The following COL10A1 variants were observed in gnomAD, a reference collection of about 807,000 sequenced individuals.
COL10A1 encodes the protein collagen alpha-1(X) chain.
A neutral mutation model predicts 18.2 loss-of-function variants in COL10A1; 10 were observed. The observed-to-expected ratio is 0.55, with a 90% CI of 0.34 to 0.93. The LOEUF (loss-of-function observed/expected upper bound fraction) is 0.93. COL10A1 is among the 40% of genes least tolerant of loss of function. COL10A1 has a pLI of 0.02. For synonymous variants in COL10A1, 330 were observed against 316.6 expected (o/e 1.04, Z -0.45); for missense variants, 897 against 853.5 (o/e 1.05, Z -0.64).
At chr6:116,132,784 G>A (rs1201415368) in intron 1 of COL10A1, among the ~76,000 whole-genome samples, 3 of 152,060 alleles carry the variant, frequency 2.0e-5, no homozygotes, top group Non-Finnish European at 4.4e-5. Flanking sequence ...CATCCTTTTA[G>A]GGTAGAAATG....
the COL10A1 span, among the ~76,000 whole-genome samples, chr6:116,167,693 G>A: frequency 5.9e-5 from 9 of 151,860 alleles, no homozygotes; most frequent in East Asian, 1.9e-4. Context: ...GCAATGTTTC[G>A]GCTCAGTGAC....
the COL10A1 span, among the ~76,000 whole-genome samples, chr6:116,211,140 A>G: frequency 6.6e-6 from 1 of 152,052 alleles, no homozygotes; most frequent in Non-Finnish European, 1.5e-5. Context: ...GTGAGACCCA[A>G]ATGCAGAGAG....
At chr6:116,168,090 TTTTTTTTTTTTTAAATTCTCC>T in the COL10A1 span, among the ~76,000 whole-genome samples, 1 of 151,176 alleles carries the variant, frequency 6.6e-6, no homozygotes, top group Admixed American at 6.6e-5. Context: ...TGTCTTTTTT[TTTTTTTTTTTTTAAATTCTCC>T]TTGGAGGGCT....
the COL10A1 span, among the ~76,000 whole-genome samples, chr6:116,215,060 A>T: frequency 6.6e-6 from 1 of 152,126 alleles, no homozygotes; most frequent in Admixed American, 6.5e-5. Context: ...GAACCCAGTT[A>T]TCAAGGTTTA....
At chr6:116,134,217 G>A (rs1021349661) in intron 1 of COL10A1, among the ~76,000 whole-genome samples, 6 of 152,144 alleles carry the variant, frequency 3.9e-5, no homozygotes, top group Non-Finnish European at 8.8e-5. Flanking sequence ...TCAAATAATT[G>A]TCAGACTTTT....
chr6:116,149,745 T>C (rs1779989069), intron 1 of COL10A1, among the ~76,000 whole-genome samples: 1 of 152,200 alleles, frequency 6.6e-6, no homozygotes, highest in Non-Finnish European at 1.5e-5. Context: ...ATCTGGGATC[T>C]CCACATAAAA....
chr6:116,174,795 C>T, the COL10A1 span, among the ~76,000 whole-genome samples: 1 of 152,142 alleles, frequency 6.6e-6, no homozygotes. Context: ...ACTTGCTTTG[C>T]AATCCACTGG....
upstream of COL10A1, among the ~76,000 whole-genome samples, chr6:116,163,141 A>AAAAAAAAATATATATATAT (rs761718922): frequency 2.3e-5 from 2 of 88,408 alleles, no homozygotes; most frequent in African/African-American, 1.2e-4. Context: ...AAAAAAAAAA[A>AAAAAAAAATATATATATAT]ATATATATAT....
chr6:116,135,220 TA>T (rs1204491385), intron 1 of COL10A1, among the ~76,000 whole-genome samples: 3 of 152,176 alleles, frequency 2.0e-5, no homozygotes, highest in Non-Finnish European at 4.4e-5. Flanking sequence ...ATATGACCCT[TA>T]AAGGGGGAAG....
intron 1 of COL10A1, among the ~76,000 whole-genome samples, chr6:116,142,762 T>G (rs1240272957): frequency 1.3e-5 from 2 of 152,214 alleles, no homozygotes; most frequent in African/African-American, 2.4e-5. Context: ...CTTGTTTCTT[T>G]TTGTTTCTTG....
chr6:116,187,549 C>T, the COL10A1 span, among the ~76,000 whole-genome samples: 2 of 151,952 alleles, frequency 1.3e-5, no homozygotes, highest in African/African-American at 4.8e-5. Context: ...ACCGGAGATG[C>T]CAGAAAAGAC....
At chr6:116,189,950 TTTG>T in the COL10A1 span, among the ~76,000 whole-genome samples, 1 of 152,034 alleles carries the variant, frequency 6.6e-6, no homozygotes, top group Non-Finnish European at 1.5e-5. Context: ...GAAGTAAATG[TTTG>T]TTGTTCTTTT....
intron 1 of COL10A1, among the ~76,000 whole-genome samples, chr6:116,135,834 GATATAT>G (rs199827970): frequency 0.08 from 8,162 of 102,282 alleles, 471 homozygotes; most frequent in Admixed American, 0.18. Context: ...TATATTTTCA[GATATAT>G]ATATATATAT....
At chr6:116,182,782 A>G in the COL10A1 span, among the ~76,000 whole-genome samples, 51 of 151,888 alleles carry the variant, frequency 3.4e-4, no homozygotes, top group Non-Finnish European at 6.9e-4. Flanking sequence ...GAGTCTAGAT[A>G]TTACTCCTTT....
chr6:116,189,390 G>A, the COL10A1 span, among the ~76,000 whole-genome samples: 2 of 151,488 alleles, frequency 1.3e-5, no homozygotes, highest in African/African-American at 4.8e-5. Context: ...TTTATTTTTT[G>A]TCTTCGTAGT....
the COL10A1 span, among the ~76,000 whole-genome samples, chr6:116,205,240 A>G: frequency 3.3e-5 from 5 of 151,980 alleles, no homozygotes; most frequent in African/African-American, 1.2e-4. Flanking sequence ...CAACAACAAA[A>G]TAAGCTGGGC....
the COL10A1 span, among the ~76,000 whole-genome samples, chr6:116,171,649 C>T: frequency 6.6e-6 from 1 of 152,178 alleles, no homozygotes; most frequent in African/African-American, 2.4e-5. Flanking sequence ...TGAATTCTCT[C>T]TTTGGTATCC....
At position 116,119,379 on chromosome 6, in the gene COL10A1, C is replaced by G. The variant is rs1208203100; in HGVS notation, c.*694G>C. On this transcript the variant is annotated 3_prime_UTR_variant, in exon 3 of 3. Coordinates refer to ENST00000651968, the MANE Select transcript of COL10A1 (RefSeq NM_000493.4). Reference sequence around the variant, plus strand: ...GTTATGCTGGGTATATAAAAAGCTTCTCTGCAATCATAGAAAAGTTTGAAA... The same window carrying G: ...GTTATGCTGGGTATATAAAAAGCTTGTCTGCAATCATAGAAAAGTTTGAAA... The G allele has an allele frequency of 6.6e-6, 1 of 152,366 alleles. No individual in the cohort carries two copies. The highest frequency in any genetic ancestry group is 1.5e-5 in the Non-Finnish European group (1 of 68,036). 9.4% of individuals were successfully genotyped at this position (152,366 alleles called of 1,614,324 possible).
In COL10A1 at chr6:116,121,973, AC is replaced by A; in HGVS notation, c.155-13del. ...TCTTACTGCTATACCTAAAAGACAC[AC>A]CCAACACACCCACCCATAGAAGGGG... On this transcript the variant is annotated splice_polypyrimidine_tract_variant and intron_variant, in intron 2 of 2. Coordinates refer to ENST00000651968, the MANE Select transcript of COL10A1 (RefSeq NM_000493.4). The A allele has an allele frequency of 6.2e-7, 1 of 1,604,960 alleles. No individual in the cohort carries two copies.
Sources: allele counts gnomAD v4.1 joint callset (sites outside exome capture counted in the v4.1 genomes callset), GRCh38; gene constraint gnomAD v4.1.1; transcripts MANE v1.5; gene names NCBI Gene and HGNC (gene_info 2026-07-23, HGNC 2026-07-21).